The following LZTS1 variants were observed in gnomAD, a reference collection of about 807,000 sequenced individuals.
The protein encoded by LZTS1 is leucine zipper putative tumor suppressor 1.
In LZTS1, 31 loss-of-function variants were observed where a neutral mutation model predicts 45.8. The observed-to-expected ratio is 0.68, with a 90% CI of 0.51 to 0.91. LZTS1 has a LOEUF of 0.91. LZTS1 is among the 40% of genes least tolerant of loss of function. The probability of loss-of-function intolerance (pLI) is 0.00; values close to 1 mark genes in which losing one functional copy is unlikely to be tolerated. For missense variants in LZTS1, 821 were observed against 788.9 expected, an observed-to-expected ratio of 1.04 and a Z score of -0.49; for synonymous variants, 359 against 357.3, an observed-to-expected ratio of 1.00 and a Z score of -0.05.
At chr8:20,296,300 T>A (rs138585159) in intron 1 of LZTS1, among the ~76,000 whole-genome samples, 89 of 152,290 alleles carry the variant, frequency 5.8e-4, no homozygotes, top group African/African-American at 2.1e-3. Context: ...ATGGGAGGGT[T>A]TGAGAACAAT....
Position 20,250,337 on chromosome 8 carries a change from G to A in LZTS1, c.1176C>T (p.Ser392=), listed in dbSNP as rs773692617. The change falls in exon 4 of 4, where the codon TCC becomes TCT. Residue 392 remains serine, a synonymous_variant. Coordinates refer to ENST00000381569, the MANE Select transcript of LZTS1 (RefSeq NM_021020.5). The stretch of plus-strand genomic sequence containing the variant: ...ACTCCTTCAGCTGCTGCTTCAGGAG[G>A]GAGATCTCGCCTGACTTCTGGCACA... ...WEVCQKSGEI[S]LLKQQLKESQ... is the part of the protein sequence containing the mutation. 19 of 1,607,784 alleles carry A rather than the reference G, an allele frequency of 1.2e-5. No homozygotes were observed. In the African/African-American group the frequency reaches 2.3e-4, roughly 19 times the overall value.
chr8:20,274,062 T>G lies in LZTS1; in HGVS notation c.-134-18747A>C, dbSNP rs995786117. Among the ~76,000 whole-genome samples the G allele has an allele frequency of 2.7e-4, 41 of 152,280 alleles. 1 individual carries two copies. The highest frequency in any genetic ancestry group is 3.9e-4 in the East Asian group (2 of 5,172). On this transcript the variant is annotated intron_variant, in intron 1 of 3. Coordinates refer to ENST00000381569, the MANE Select transcript of LZTS1 (RefSeq NM_021020.5). ...CTGGGACTTTGCTCAGAAGGCACTC[T>G]TCTGCTATGAAGCCTTCCCGTATCT...
At chr8:20,257,358 T>G (rs1476321756) in intron 1 of LZTS1, among the ~76,000 whole-genome samples, 1 of 151,418 alleles carries the variant, frequency 6.6e-6, no homozygotes, top group African/African-American at 2.4e-5. Flanking sequence ...AGTTCCTGTC[T>G]CAAAAAAAAA....
intron 3 of LZTS1, 53 bp downstream of exon 3, chr8:20,252,729 T>C: frequency 1.4e-6 from 2 of 1,436,518 alleles, no homozygotes; most frequent in South Asian, 3.2e-5. Context: ...GAGAGGGGGG[T>C]ACTGGCGCCA....
intron 1 of LZTS1, among the ~76,000 whole-genome samples, chr8:20,291,022 C>T (rs925359256): frequency 6.6e-6 from 1 of 152,238 alleles, no homozygotes; most frequent in Non-Finnish European, 1.5e-5. Flanking sequence ...CACTCCTGCA[C>T]CACATCTGGC....
intron 1 of LZTS1, among the ~76,000 whole-genome samples, chr8:20,286,569 C>A (rs542390507): frequency 3.9e-5 from 6 of 152,224 alleles, no homozygotes; most frequent in Non-Finnish European, 8.8e-5. Flanking sequence ...TGCAGACATG[C>A]TCAGCCACAC....
intron 2 of LZTS1, among the ~76,000 whole-genome samples, chr8:20,253,836 T>A (rs752333726): frequency 5.9e-5 from 9 of 152,138 alleles, no homozygotes; most frequent in Non-Finnish European, 1.3e-4. Flanking sequence ...TGCCACCAGC[T>A]TGCCCCAGCC....
At chr8:20,274,510 C>T (rs1305747775) in intron 1 of LZTS1, among the ~76,000 whole-genome samples, 1 of 152,196 alleles carries the variant, frequency 6.6e-6, no homozygotes, top group Non-Finnish European at 1.5e-5. Flanking sequence ...CAGTGGCACT[C>T]TGGCCTGAGC....
intron 1 of LZTS1, among the ~76,000 whole-genome samples, chr8:20,298,778 T>C (rs1231073971): frequency 2.0e-5 from 3 of 151,862 alleles, no homozygotes; most frequent in Non-Finnish European, 4.4e-5. Context: ...GAGAGAGGAC[T>C]GGGGATCACT....
intron 1 of LZTS1, among the ~76,000 whole-genome samples, chr8:20,271,802 A>G (rs1800479411): frequency 6.6e-6 from 1 of 152,186 alleles, no homozygotes; most frequent in South Asian, 2.1e-4. Flanking sequence ...AAGACTATGC[A>G]TTTCCATTGC....
At position 20,249,379 on chromosome 8, in the gene LZTS1, A is replaced by T. The variant is rs732337; in HGVS notation, c.*343T>A. 88,130 of 251,818 alleles carry T rather than the reference A, an allele frequency of 0.35. 16,923 individuals carry two copies. The highest frequency in any genetic ancestry group is 0.45 in the Admixed American group (9,116 of 20,336). 15.6% of individuals were successfully genotyped at this position (251,818 alleles called of 1,614,324 possible). A position where few individuals can be genotyped will look rare whatever the true frequency, so the allele number is the denominator to read the frequency against. ...ATGAGAAGCAGAGGGGAGCCGCTGT[A>T]CTTGCTGTGGCCACCTTCCCTGGAG... is the stretch of plus-strand genomic sequence containing the variant. On this transcript the variant is annotated 3_prime_UTR_variant, in exon 4 of 4. Coordinates refer to ENST00000381569, the MANE Select transcript of LZTS1 (RefSeq NM_021020.5).
chr8:20,266,326 T>C (rs1018839842), intron 1 of LZTS1, among the ~76,000 whole-genome samples: 2 of 151,994 alleles, frequency 1.3e-5, no homozygotes, highest in Non-Finnish European at 2.9e-5. Context: ...CACACCTGGC[T>C]CTCAATAAAT....
chr8:20,294,009 G>T (rs543938990), intron 1 of LZTS1, among the ~76,000 whole-genome samples: 21 of 152,194 alleles, frequency 1.4e-4, no homozygotes, highest in Non-Finnish European at 2.2e-4. Context: ...TGAAATAAAA[G>T]TTCTTGGCAG....
At chr8:20,293,572 T>C (rs146827360) in intron 1 of LZTS1, among the ~76,000 whole-genome samples, 171 of 152,342 alleles carry the variant, frequency 1.1e-3, no homozygotes, top group African/African-American at 3.9e-3. Flanking sequence ...GTTGCTCATC[T>C]TGCACCTGAG....
intron 1 of LZTS1, among the ~76,000 whole-genome samples, chr8:20,294,572 G>A (rs374940884): frequency 1.6e-4 from 25 of 152,298 alleles, no homozygotes; most frequent in East Asian, 1.4e-3. Context: ...CCACGGAGGC[G>A]TTGGGGCTGG....
chr8:20,274,536 G>A (rs897500174), intron 1 of LZTS1, among the ~76,000 whole-genome samples: 9 of 152,164 alleles, frequency 5.9e-5, no homozygotes, highest in Non-Finnish European at 1.2e-4. Flanking sequence ...GTCCGAGCCT[G>A]TGGGCGTGTT....
chr8:20,283,472 T>C (rs2128897729), intron 1 of LZTS1, among the ~76,000 whole-genome samples: 1 of 152,316 alleles, frequency 6.6e-6, no homozygotes, highest in South Asian at 2.1e-4. Flanking sequence ...GAGAAATACA[T>C]TTCTGCTGCC....
chr8:20,276,614 G>T (rs1800588851), intron 1 of LZTS1, among the ~76,000 whole-genome samples: 1 of 152,212 alleles, frequency 6.6e-6, no homozygotes, highest in Middle Eastern at 3.2e-3. Flanking sequence ...CAATCAGTAA[G>T]TGTGTTTCAC....
intron 1 of LZTS1, among the ~76,000 whole-genome samples, chr8:20,256,129 A>C (rs945976111): frequency 6.6e-6 from 1 of 150,652 alleles, no homozygotes; most frequent in African/African-American, 2.4e-5. Flanking sequence ...ATGAAAATCT[A>C]GGGGGAGAGG....
Sources: gnomAD v4.1 joint callset for allele counts (sites outside exome capture counted in the v4.1 genomes callset) on GRCh38, gnomAD v4.1.1 for gene constraint, MANE v1.5 for transcripts, NCBI Gene and HGNC (gene_info 2026-07-23, HGNC 2026-07-21) for gene names.